ZNF341: variants seen among roughly 807,000 people sequenced by gnomAD.
The protein encoded by ZNF341 is zinc finger protein 341.
A neutral mutation model predicts 87.7 loss-of-function variants in ZNF341; 52 were observed. The ratio of observed to expected loss-of-function variants is 0.59; its 90% CI spans 0.47 to 0.75. The LOEUF (loss-of-function observed/expected upper bound fraction) is 0.75. ZNF341 is among the 30% of genes least tolerant of loss of function. The pLI is 0.00. For synonymous variants in ZNF341, 459 were observed against 472.7 expected (o/e 0.97, Z 0.38); for missense variants, 977 against 1,145.9 (o/e 0.85, Z 2.13).
intron 10 of ZNF341, among the ~76,000 whole-genome samples, chr20:33,780,709 C>CTT (rs200973875): frequency 8.4e-5 from 12 of 142,372 alleles, no homozygotes; most frequent in Admixed American, 2.1e-4. Context: ...CACACCAGGC[C>CTT]TTTTTTTTTT....
chr20:33,734,155 G>A (rs1288712102), intron 1 of ZNF341, among the ~76,000 whole-genome samples: 1 of 152,150 alleles, frequency 6.6e-6, no homozygotes, highest in Non-Finnish European at 1.5e-5. Flanking sequence ...AGATCTAGGG[G>A]AGGAGGGCAG....
intron 10 of ZNF341, among the ~76,000 whole-genome samples, chr20:33,778,558 A>AC (rs1024020772): frequency 2.6e-5 from 4 of 152,176 alleles, no homozygotes; most frequent in Admixed American, 2.6e-4. Flanking sequence ...TGATCCGCCC[A>AC]CCTCGGCCTC....
At chr20:33,783,148 G>T (rs2019777756) in intron 11 of ZNF341, among the ~76,000 whole-genome samples, 1 of 106,726 alleles carries the variant, frequency 9.4e-6, no homozygotes, top group East Asian at 2.6e-4. Context: ...GAGCGAAACT[G>T]CATCTCAAAT....
intron 12 of ZNF341, chr20:33,787,750 C>G (rs1056034126): frequency 1.3e-5 from 2 of 152,274 alleles, no homozygotes; most frequent in African/African-American, 4.8e-5. Flanking sequence ...GTCCCTTCAC[C>G]TCTCTGAACT....
intron 10 of ZNF341, among the ~76,000 whole-genome samples, chr20:33,771,885 C>T (rs1237503619): frequency 2.0e-5 from 3 of 151,262 alleles, no homozygotes; most frequent in African/African-American, 4.9e-5. Context: ...TGTGTTGGCA[C>T]GCACCCGTAG....
At chr20:33,771,916 G>C (rs1277413613) in intron 10 of ZNF341, among the ~76,000 whole-genome samples, 1 of 146,840 alleles carries the variant, frequency 6.8e-6, no homozygotes, top group East Asian at 2.2e-4. Context: ...TCAGGAGGCT[G>C]AGATGGTAGG....
At position 33,789,534 on chromosome 20, in the gene ZNF341, A is replaced by C. The variant is rs1262874991; in HGVS notation, c.1981A>C (p.Ser661Arg). The C allele has an allele frequency of 1.2e-6, 2 of 1,613,924 alleles. No homozygotes were observed. The highest frequency in any genetic ancestry group is 1.7e-5 in the Admixed American group (1 of 59,978). The change falls in exon 14 of 15, where the codon AGT becomes CGT. Residue 661 changes from serine to arginine, a missense_variant. Around this residue, in one of 3 missense-constraint regions of ZNF341, gnomAD observed 241 missense variants for 335.0 expected, o/e 0.72. Coordinates refer to ENST00000375200, the MANE Select transcript of ZNF341 (RefSeq NM_001282933.2). ...KCPFSTHTGCSKEFNRPDKLK... is the reference protein window; with the variant it reads ...KCPFSTHTGCRKEFNRPDKLK... ...GGGTTTTAGGACGCACACAGGCTGC[A>C]GTAAGGAGTTCAACCGGCCGGACAA... is the stretch of plus-strand genomic sequence containing the variant.
chr20:33,789,376 G>A, intron 13 of ZNF341, 142 bp from the exon 14 acceptor site: 1 of 797,394 alleles, frequency 1.3e-6, no homozygotes, highest in Non-Finnish European at 2.1e-6. Context: ...CCTGGGCCCT[G>A]CCTGCCTCAC....
rs6057907 is a variant in ZNF341 at position 33,785,734 on chromosome 20, G to A, written c.1852+1870G>A. Among the ~76,000 whole-genome samples, 608 of 152,202 alleles carry A rather than the reference G, an allele frequency of 4.0e-3. 5 individuals are homozygous for A. Among genetic ancestry groups the A allele is most frequent in the African/African-American group, 0.01 (428 of 41,524 alleles). On this transcript the variant is annotated intron_variant, in intron 12 of 14. Coordinates refer to ENST00000375200, the MANE Select transcript of ZNF341 (RefSeq NM_001282933.2). Reference sequence around the variant, plus strand: ...CTCTTCCCCAAAGGTAACTGTTAGCGGTCTAGTCTGCATTCTTCTAGTTTT... The same window carrying A: ...CTCTTCCCCAAAGGTAACTGTTAGCAGTCTAGTCTGCATTCTTCTAGTTTT...
intron 11 of ZNF341, among the ~76,000 whole-genome samples, chr20:33,781,953 T>TAC (rs2019755568): frequency 6.6e-6 from 1 of 152,112 alleles, no homozygotes. Context: ...GTGCTGGGAT[T>TAC]ACACGCATGA....
intron 9 of ZNF341, 143 bp from the exon 10 acceptor site, chr20:33,769,941 T>C (rs2019489925): frequency 3.2e-6 from 2 of 624,392 alleles, no homozygotes; most frequent in Admixed American, 2.8e-5. Flanking sequence ...ATAAAAACCC[T>C]GGGATCCAGT....
chr20:33,781,171 G>A (rs139359624), intron 10 of ZNF341, 120 bp from the exon 11 acceptor site: 3 of 746,656 alleles, frequency 4.0e-6, no homozygotes, highest in African/African-American at 1.7e-5. Context: ...AAGAGTGGAT[G>A]GATTTGGAAT....
At chr20:33,759,560 A>T (rs2019251279) in intron 7 of ZNF341, among the ~76,000 whole-genome samples, 1 of 152,320 alleles carries the variant, frequency 6.6e-6, no homozygotes, top group South Asian at 2.1e-4. Flanking sequence ...CTGGAATTAC[A>T]GGTGTGAGCC....
At chr20:33,741,991 A>G (rs2018813085) in intron 2 of ZNF341, among the ~76,000 whole-genome samples, 1 of 152,154 alleles carries the variant, frequency 6.6e-6, no homozygotes, top group African/African-American at 2.4e-5. Context: ...TGGTTTCTAC[A>G]AGATTAAAGT....
intron 12 of ZNF341, chr20:33,787,243 T>C (rs1475968584): frequency 6.6e-6 from 1 of 151,516 alleles, no homozygotes; most frequent in Non-Finnish European, 1.5e-5. Flanking sequence ...TTTTTTTTTG[T>C]TGGAGCTTAC....
chr20:33,742,500 G>C (rs773331743), intron 2 of ZNF341, among the ~76,000 whole-genome samples: 1 of 151,452 alleles, frequency 6.6e-6, no homozygotes, highest in African/African-American at 2.4e-5. Context: ...CGGCCAAGTC[G>C]AGACAGGATT....
chr20:33,766,414 C>T (rs1475679613), intron 8 of ZNF341, among the ~76,000 whole-genome samples: 2 of 151,974 alleles, frequency 1.3e-5, no homozygotes, highest in Non-Finnish European at 2.9e-5. Context: ...AGGCTGATCT[C>T]GAACTTCTGA....
At chr20:33,770,343 G>GGGGGGGGGGC in intron 10 of ZNF341, 51 bp downstream of exon 10, 1 of 511,252 alleles carries the variant, frequency 2.0e-6, no homozygotes, top group African/African-American at 2.0e-5. Context: ...GGTGGGCAGG[G>GGGGGGGGGGC]AGCCCAGGGC....
intron 4 of ZNF341, among the ~76,000 whole-genome samples, chr20:33,751,369 AG>A (rs2019052315): frequency 6.6e-6 from 1 of 152,144 alleles, no homozygotes; most frequent in Non-Finnish European, 1.5e-5. Flanking sequence ...ATTACAGCAA[AG>A]GAACACACAG....
Sources: gnomAD v4.1 joint callset for allele counts (sites outside exome capture counted in the v4.1 genomes callset) on GRCh38, gnomAD v4.1.1 for gene constraint, gnomAD v4.1.1 regional missense constraint, MANE v1.5 for transcripts, NCBI Gene and HGNC (gene_info 2026-07-23, HGNC 2026-07-21) for gene names.